The following CDC42 variants were observed in gnomAD, a reference collection of about 807,000 sequenced individuals.
CDC42 encodes the protein cell division control protein 42 homolog.
CDC42 carries 1 observed loss-of-function variant against 20.8 expected under a neutral mutation model. That is an observed-to-expected ratio of 0.05 (90% CI 0.02 to 0.23). The LOEUF is 0.23. CDC42 is among the 10% of genes least tolerant of loss of function. The probability of loss-of-function intolerance (pLI) is 1.00; values close to 1 mark genes in which losing one functional copy is unlikely to be tolerated. For synonymous variants in CDC42, 72 were observed against 84.8 expected (o/e 0.85, Z 0.83); for missense variants, 49 against 227.9 (o/e 0.21, Z 5.05).
intron 4 of CDC42, 32 bp downstream of exon 4, chr1:22,086,580 G>A: frequency 6.3e-7 from 1 of 1,584,610 alleles, no homozygotes; most frequent in Non-Finnish European, 8.7e-7. Context: ...GCCCTAAGAA[G>A]ATCATCTCAG....
intron 2 of CDC42, among the ~76,000 whole-genome samples, chr1:22,081,137 C>T (rs1469384665): frequency 2.0e-5 from 3 of 152,126 alleles, no homozygotes; most frequent in Admixed American, 6.5e-5. Context: ...CCATTGCACT[C>T]CAGCCTGGAT....
intron 1 of CDC42, among the ~76,000 whole-genome samples, chr1:22,061,642 C>G (rs1401532799): frequency 7.4e-6 from 1 of 134,778 alleles, no homozygotes; most frequent in Non-Finnish European, 1.5e-5. Flanking sequence ...CTCCCGGGTT[C>G]AAGCAATTCT....
In CDC42 at chr1:22,099,402, CT is replaced by C. The variant is rs1308247754; in HGVS notation, c.*7890del. Among the ~76,000 whole-genome samples, 1 of 152,198 alleles carries C rather than the reference CT, an allele frequency of 6.6e-6. No homozygotes were observed. Among genetic ancestry groups the C allele is most frequent in the East Asian group, 1.9e-4 (1 of 5,184 alleles). ...CTGAGGTTGATAGTACAGGTATCTT[CT>C]TTTTATGGAGCAGGACTCTGAGACA... On this transcript the variant is annotated 3_prime_UTR_variant, in exon 6 of 6. Coordinates refer to ENST00000656825, the MANE Select transcript of CDC42 (RefSeq NM_001791.4).
In CDC42 at chr1:22,096,071, T is replaced by C. The variant is rs1437406092; in HGVS notation, c.*4554T>C. On this transcript the variant is annotated 3_prime_UTR_variant, in exon 6 of 6. Transcript: ENST00000656825. ...ACCTCCCAGGTTCACATGATTCTCC[T>C]GCCTCAGCCTCCTGAGTAGCTGGGA... Among the ~76,000 whole-genome samples, 1 of 152,134 alleles carries C rather than the reference T, an allele frequency of 6.6e-6. No individual in the cohort carries two copies. Among genetic ancestry groups the C allele is most frequent in the Admixed American group, 6.5e-5 (1 of 15,274 alleles).
chr1:22,085,230 T>TAAAAAAAA (rs552267987), intron 3 of CDC42, among the ~76,000 whole-genome samples: 1 of 17,496 alleles, frequency 5.7e-5, no homozygotes, highest in African/African-American at 2.8e-4. Flanking sequence ...AGACTCTGTC[T>TAAAAAAAA]AAAAAAAAAA....
rs146583302 is a variant in CDC42, at chr1:22,065,609, A to G, written c.-50-12820A>G. Among the ~76,000 whole-genome samples, 82 of 152,304 alleles carry G rather than the reference A, an allele frequency of 5.4e-4. 1 individual carries two copies. Among genetic ancestry groups the G allele is most frequent in the Non-Finnish European group, 5.9e-4 (40 of 68,034 alleles). ...TGTGTGTACCAGTTGCTTTATATAC[A>G]TTACCTCATTTCTCTGTAGTGGTCT... On this transcript the variant is annotated intron_variant, in intron 1 of 5. Transcript: ENST00000656825.
At chr1:22,083,275 C>T (rs1326630957) in intron 3 of CDC42, among the ~76,000 whole-genome samples, 3 of 151,970 alleles carry the variant, frequency 2.0e-5, no homozygotes, top group South Asian at 2.1e-4. Context: ...CTGGCGAGTA[C>T]TTTTGAAAGC....
chr1:22,099,131 T>C lies in CDC42; in HGVS notation c.*7614T>C. Among the ~76,000 whole-genome samples, 1 of 152,192 alleles carries C rather than the reference T, an allele frequency of 6.6e-6. No individual in the cohort carries two copies. On this transcript the variant is annotated 3_prime_UTR_variant, in exon 6 of 6. Coordinates refer to ENST00000656825, the MANE Select transcript of CDC42 (RefSeq NM_001791.4). The stretch of plus-strand genomic sequence containing the variant: ...TTTGCAGAGTGGCTGGGGGCCCTGC[T>C]TCACCACGGCATAGGGACGGGTGCA...
At chr1:22,079,020 T>A in intron 2 of CDC42, 1 of 363,966 alleles carries the variant, frequency 2.7e-6, no homozygotes, top group Non-Finnish European at 4.7e-6. Flanking sequence ...GCTGTTCGCT[T>A]AGCAGTAATG....
At chr1:22,058,983 T>C (rs1645333892) in intron 1 of CDC42, among the ~76,000 whole-genome samples, 1 of 136,740 alleles carries the variant, frequency 7.3e-6, no homozygotes, top group Non-Finnish European at 1.5e-5. Context: ...CTTGGCTAAT[T>C]GTAAATATAT....
chr1:22,098,062 C>T lies in CDC42; in HGVS notation c.*6545C>T, dbSNP rs1645768797. Among the ~76,000 whole-genome samples the T allele has an allele frequency of 6.6e-6, 1 of 152,160 alleles. No homozygotes were observed. Among genetic ancestry groups the T allele is most frequent in the Non-Finnish European group, 1.5e-5 (1 of 68,014 alleles). On this transcript the variant is annotated 3_prime_UTR_variant, in exon 6 of 6. Transcript: ENST00000656825. ...TGCGTCCCGCAGAGCAGTGCTTTTT[C>T]TCGGTGTGAACTGTGGATCACTTGT...
At chr1:22,055,514 G>A (rs1645295246) in intron 1 of CDC42, among the ~76,000 whole-genome samples, 2 of 146,254 alleles carry the variant, frequency 1.4e-5, no homozygotes, top group African/African-American at 5.1e-5. Flanking sequence ...TTTGGAGACA[G>A]GGTCTTACTC....
At chr1:22,062,642 G>C (rs1224875200) in intron 1 of CDC42, among the ~76,000 whole-genome samples, 2 of 146,104 alleles carry the variant, frequency 1.4e-5, no homozygotes. Flanking sequence ...CCAGCAGTTT[G>C]GGAGACCTAG....
Position 22,097,148 on chromosome 1 carries a change from A to T in CDC42, c.*5631A>T, listed in dbSNP as rs1645763231. 6.6e-6 allele frequency among the ~76,000 whole-genome samples: 1 copy of T among 152,246 alleles called. No homozygotes were observed. Among genetic ancestry groups the T allele is most frequent in the Non-Finnish European group, 1.5e-5 (1 of 68,042 alleles). On this transcript the variant is annotated 3_prime_UTR_variant, in exon 6 of 6. Coordinates refer to ENST00000656825, the MANE Select transcript of CDC42 (RefSeq NM_001791.4). The stretch of plus-strand genomic sequence containing the variant: ...GACATTTAGATGACCTTTGCCTGTC[A>T]CCACACAGCTGTATGGTAGCAGAGC...
At chr1:22,060,298 C>CTGTT (rs1051810487) in intron 1 of CDC42, among the ~76,000 whole-genome samples, 7 of 151,882 alleles carry the variant, frequency 4.6e-5, no homozygotes, top group South Asian at 2.1e-4. Flanking sequence ...GGATGCACCA[C>CTGTT]TGTTCTCCAG....
At chr1:22,084,335 GTTTTT>G (rs61584354) in intron 3 of CDC42, among the ~76,000 whole-genome samples, 22 of 80,690 alleles carry the variant, frequency 2.7e-4, no homozygotes, top group African/African-American at 7.5e-4. Context: ...CTTATTTCCT[GTTTTT>G]TTTTTTTTTT....
At chr1:22,088,719 C>T (rs1182495712) in intron 5 of CDC42, among the ~76,000 whole-genome samples, 1 of 152,160 alleles carries the variant, frequency 6.6e-6, no homozygotes, top group Non-Finnish European at 1.5e-5. Context: ...TTCTAATAGT[C>T]CTCCTCCTCT....
rs1442886343 is a variant in CDC42 at position 22,096,654 on chromosome 1, T to G, written c.*5137T>G. Among the ~76,000 whole-genome samples, 1 of 152,260 alleles carries G rather than the reference T, an allele frequency of 6.6e-6. No individual in the cohort carries two copies. The highest frequency in any genetic ancestry group is 2.4e-5 in the African/African-American group (1 of 41,468). On this transcript the variant is annotated 3_prime_UTR_variant, in exon 6 of 6. Transcript: ENST00000656825. ...GGTGCTTCATCCACTCACTGTATTC[T>G]GTGTGCCTGTGCCGCGGTGCAGGTG... is the stretch of plus-strand genomic sequence containing the variant.
rs1481143374 is a variant in CDC42, at chr1:22,053,072, G to T, written c.-51+330G>T. On this transcript the variant is annotated intron_variant, in intron 1 of 5. Coordinates refer to ENST00000656825, the MANE Select transcript of CDC42 (RefSeq NM_001791.4). ...GAAGGGGGTCACACCCATCCTGGGC[G>T]CCCGGGCTCCCCTCCCCCCAGCCCG... Among the ~76,000 whole-genome samples the T allele has an allele frequency of 2.6e-5, 4 of 151,254 alleles. No individual in the cohort carries two copies. In the East Asian group the frequency reaches 7.8e-4, roughly 29 times the overall value.
Sources: gnomAD v4.1 joint callset for allele counts (sites outside exome capture counted in the v4.1 genomes callset) on GRCh38, gnomAD v4.1.1 for gene constraint, MANE v1.5 for transcripts, NCBI Gene and HGNC (gene_info 2026-07-23, HGNC 2026-07-21) for gene names.